The following CCNJL variants were observed in gnomAD, a reference collection of about 807,000 sequenced individuals.
The protein encoded by CCNJL is cyclin J like.
In CCNJL, 33 loss-of-function variants were observed where a neutral mutation model predicts 33.4. The observed-to-expected ratio is 0.99, with a 90% CI of 0.75 to 1.32. CCNJL has a LOEUF of 1.32. Among genes scored for constraint, CCNJL ranks in the 40% most tolerant of loss-of-function variants. The pLI is 0.00. For missense variants in CCNJL, 512 were observed against 499.7 expected (o/e 1.02, Z -0.23); for synonymous variants, 227 against 220.9 (o/e 1.03, Z -0.24).
intron 1 of CCNJL, among the ~76,000 whole-genome samples, chr5:160,322,241 A>G (rs956896258): frequency 6.6e-6 from 1 of 152,202 alleles, no homozygotes; most frequent in Non-Finnish European, 1.5e-5. Flanking sequence ...GTCTCTAAGG[A>G]CATTTTTGAT....
intron 2 of CCNJL, among the ~76,000 whole-genome samples, chr5:160,291,776 G>GA (rs1762592415): frequency 6.6e-6 from 1 of 152,208 alleles, no homozygotes; most frequent in Admixed American, 6.5e-5. Context: ...ATGGCATCAG[G>GA]AGCCTAGGAG....
chr5:160,312,260 G>A (rs1763290830), intron 1 of CCNJL, 104 bp downstream of exon 1: 2 of 365,704 alleles, frequency 5.5e-6, no homozygotes, highest in Non-Finnish European at 5.0e-6. Context: ...GCTCGAGGCT[G>A]GGGCTCTGGC....
chr5:160,259,886 C>G (rs1238079700), intron 3 of CCNJL, 115 bp from the exon 4 acceptor site: 4 of 837,330 alleles, frequency 4.8e-6, no homozygotes, highest in Non-Finnish European at 7.7e-6. Flanking sequence ...AGAAAGCAGA[C>G]AGGCCAGACT....
At chr5:160,311,818 T>C in intron 2 of CCNJL, 40 bp downstream of exon 2, 8 of 1,568,058 alleles carry the variant, frequency 5.1e-6, no homozygotes, top group African/African-American at 1.3e-5. Flanking sequence ...AAGGAGACTG[T>C]ACCCAGTCTT....
chr5:160,264,187 A>G (rs915753459), intron 3 of CCNJL, among the ~76,000 whole-genome samples: 32 of 152,156 alleles, frequency 2.1e-4, no homozygotes, highest in African/African-American at 7.7e-4. Flanking sequence ...GGCCTCCCCA[A>G]GTGTTGGGAT....
chr5:160,291,361 T>C (rs1026345864), intron 2 of CCNJL, among the ~76,000 whole-genome samples: 7 of 152,216 alleles, frequency 4.6e-5, no homozygotes, highest in African/African-American at 1.7e-4. Context: ...GGCCACAGTT[T>C]GGCGAAACAT....
chr5:160,263,387 T>G (rs1007148919), intron 3 of CCNJL, among the ~76,000 whole-genome samples: 6 of 152,226 alleles, frequency 3.9e-5, no homozygotes, highest in African/African-American at 1.4e-4. Flanking sequence ...CTTTGTTTTG[T>G]GTTTTTGGAT....
At chr5:160,290,225 T>A (rs1425089141) in intron 2 of CCNJL, among the ~76,000 whole-genome samples, 2 of 152,142 alleles carry the variant, frequency 1.3e-5, no homozygotes, top group Non-Finnish European at 2.9e-5. Flanking sequence ...AATCCACTTT[T>A]CCTTCAGATC....
At chr5:160,258,917 G>A (rs1158344804) in intron 4 of CCNJL, among the ~76,000 whole-genome samples, 3 of 152,148 alleles carry the variant, frequency 2.0e-5, no homozygotes, top group Non-Finnish European at 4.4e-5. Flanking sequence ...GGATGGTCCC[G>A]ATCTCCTGAC....
intron 2 of CCNJL, among the ~76,000 whole-genome samples, chr5:160,297,500 A>G (rs1762783570): frequency 6.6e-6 from 1 of 152,012 alleles, no homozygotes; most frequent in Non-Finnish European, 1.5e-5. Context: ...TTCCCGCAGA[A>G]ACCACTTCAG....
At chr5:160,328,529 G>A (rs1322992625) in intron 1 of CCNJL, among the ~76,000 whole-genome samples, 1 of 151,702 alleles carries the variant, frequency 6.6e-6, no homozygotes, top group Non-Finnish European at 1.5e-5. Flanking sequence ...GGTCAAGGCA[G>A]TAAGATCGTT....
chr5:160,280,752 G>A lies in CCNJL; in HGVS notation c.67-14C>T, dbSNP rs1036103176. 1.3e-5 allele frequency: 20 copies of A among 1,555,350 alleles called. No individual in the cohort carries two copies. The highest frequency in any genetic ancestry group is 5.6e-5 in the Admixed American group (3 of 53,126). On this transcript the variant is annotated splice_polypyrimidine_tract_variant and intron_variant, in intron 2 of 5. Transcript: ENST00000257536. Reference sequence around the variant, plus strand: ...CAGCTTCAGTTCCTGGAGGACAGGCGGGGCGGAGGGGTGACGGTCAGGGCT... The same window carrying A: ...CAGCTTCAGTTCCTGGAGGACAGGCAGGGCGGAGGGGTGACGGTCAGGGCT...
At chr5:160,263,415 T>C (rs1220594267) in intron 3 of CCNJL, among the ~76,000 whole-genome samples, 1 of 152,188 alleles carries the variant, frequency 6.6e-6, no homozygotes, top group African/African-American at 2.4e-5. Context: ...CCAAACTAGG[T>C]TCACACATGG....
chr5:160,259,320 A>T, intron 4 of CCNJL, 149 bp downstream of exon 4: 1 of 652,648 alleles, frequency 1.5e-6, no homozygotes, highest in Non-Finnish European at 2.6e-6. Flanking sequence ...TTCTTTGCTT[A>T]CTGCCTGCAA....
chr5:160,308,642 C>T (rs1763168712), intron 2 of CCNJL, among the ~76,000 whole-genome samples: 1 of 152,196 alleles, frequency 6.6e-6, no homozygotes, highest in South Asian at 2.1e-4. Context: ...CCTGTAATCC[C>T]AGCTACTCAG....
At chr5:160,315,317 CAACACACA>C (rs1763368578), upstream of CCNJL, 1 of 63,980 alleles carries the variant, frequency 1.6e-5, no homozygotes. Flanking sequence ...CCCCGCCCCC[CAACACACA>C]CACACACACA....
intron 3 of CCNJL, among the ~76,000 whole-genome samples, chr5:160,273,929 G>A (rs1409651717): frequency 2.0e-5 from 3 of 151,812 alleles, no homozygotes; most frequent in Non-Finnish European, 2.9e-5. Flanking sequence ...GATTACAGGC[G>A]TGAGCCACTG....
In CCNJL at chr5:160,249,806, A is replaced by AAAT. The variant is rs1484538852; in HGVS notation, c.*3571_*3572insATT. The AAAT allele has an allele frequency of 6.9e-6, 1 of 145,332 alleles. No individual in the cohort carries two copies. The highest frequency in any genetic ancestry group is 1.5e-5 in the Non-Finnish European group (1 of 65,152). The allele number at this position is 145,332 out of a possible 1,614,324, so 9.0% of individuals were successfully genotyped here. On this transcript the variant is annotated 3_prime_UTR_variant, in exon 6 of 6. Coordinates refer to ENST00000257536, the MANE Select transcript of CCNJL (RefSeq NM_001308173.3). ...TAAATAAATAAATAAATAAATAAAT[A>AAAT]AAATAAAAATTTAAAAAATCAAACT... is the stretch of plus-strand genomic sequence containing the variant.
chr5:160,304,553 G>A (rs937615339), intron 2 of CCNJL, among the ~76,000 whole-genome samples: 1 of 151,072 alleles, frequency 6.6e-6, no homozygotes, highest in Non-Finnish European at 1.5e-5. Flanking sequence ...ATTAGAGGAG[G>A]AAAGAGCTTG....
Sources: gnomAD v4.1 joint callset for allele counts (sites outside exome capture counted in the v4.1 genomes callset) on GRCh38, gnomAD v4.1.1 for gene constraint, MANE v1.5 for transcripts, NCBI Gene and HGNC (gene_info 2026-07-23, HGNC 2026-07-21) for gene names.